The following CCSER1 variants were observed in gnomAD, a reference collection of about 807,000 sequenced individuals.
CCSER1 encodes serine-rich coiled-coil domain-containing protein 1.
Under a neutral mutation model 82.0 loss-of-function variants are expected in CCSER1, and 41 were observed. The ratio of observed to expected loss-of-function variants is 0.50; its 90% confidence interval spans 0.39 to 0.65. The LOEUF (loss-of-function observed/expected upper bound fraction) is 0.65. Ranked by LOEUF, CCSER1 falls within the 30% of genes least tolerant of loss-of-function variation. The pLI is 0.00. For missense variants in CCSER1, 1,119 were observed against 1,064.2 expected, an observed-to-expected ratio of 1.05 and a Z score of -0.72; for synonymous variants, 414 against 383.9, an observed-to-expected ratio of 1.08 and a Z score of -0.92.
intron 10 of CCSER1, among the ~76,000 whole-genome samples, chr4:91,511,762 C>T (rs939375393): frequency 3.3e-5 from 5 of 152,104 alleles, no homozygotes; most frequent in Admixed American, 6.6e-5. Context: ...ATGGGACCTC[C>T]TAGTTGCAGG....
intron 10 of CCSER1, among the ~76,000 whole-genome samples, chr4:91,264,903 T>G (rs2149171536): frequency 6.6e-6 from 1 of 152,188 alleles, no homozygotes; most frequent in East Asian, 1.9e-4. Context: ...GATATTAAAA[T>G]ATTTATCTGA....
chr4:91,004,956 CA>C (rs1319227610), intron 9 of CCSER1, among the ~76,000 whole-genome samples: 1 of 152,106 alleles, frequency 6.6e-6, no homozygotes, highest in Non-Finnish European at 1.5e-5. Flanking sequence ...CTGATTAGCA[CA>C]AGGGAGAGTG....
chr4:90,800,710 C>T (rs1190197327), intron 7 of CCSER1, among the ~76,000 whole-genome samples: 3 of 132,392 alleles, frequency 2.3e-5, no homozygotes, highest in African/African-American at 3.0e-5. Context: ...AGTTCCAAAT[C>T]GATTTTTAAT....
At chr4:90,537,511 T>C (rs1475311858) in intron 5 of CCSER1, among the ~76,000 whole-genome samples, 2 of 152,188 alleles carry the variant, frequency 1.3e-5, no homozygotes, top group African/African-American at 4.8e-5. Context: ...CCACTTTTGT[T>C]TGTAAATTTT....
chr4:90,153,807 G>A (rs1309863808), intron 1 of CCSER1, among the ~76,000 whole-genome samples: 19 of 152,186 alleles, frequency 1.2e-4, no homozygotes, highest in Non-Finnish European at 2.2e-4. Context: ...AGTAGGTTGC[G>A]AAAATTTTCT....
chr4:90,382,502 T>C (rs1207756916), intron 3 of CCSER1, among the ~76,000 whole-genome samples: 1 of 152,092 alleles, frequency 6.6e-6, no homozygotes, highest in African/African-American at 2.4e-5. Flanking sequence ...ATTGCTGAAA[T>C]GTTTGTCCTT....
chr4:91,281,109 T>C (rs1192847424), intron 10 of CCSER1, among the ~76,000 whole-genome samples: 2 of 152,170 alleles, frequency 1.3e-5, no homozygotes, highest in Non-Finnish European at 2.9e-5. Context: ...TGGTAGTCAG[T>C]AACTTACCCT....
chr4:91,341,997 T>G (rs769386596), intron 10 of CCSER1, among the ~76,000 whole-genome samples: 1 of 152,076 alleles, frequency 6.6e-6, no homozygotes, highest in Non-Finnish European at 1.5e-5. Flanking sequence ...GGGCACAGAG[T>G]AAGAGGAAAG....
At chr4:90,168,804 C>T in intron 1 of CCSER1, among the ~76,000 whole-genome samples, 1 of 115,972 alleles carries the variant, frequency 8.6e-6, no homozygotes, top group African/African-American at 4.0e-5. Context: ...GGCATTATTT[C>T]TGAGGGCTCC....
chr4:90,411,924 T>C (rs7687715), intron 4 of CCSER1, among the ~76,000 whole-genome samples: 3,543 of 152,122 alleles, frequency 0.023, 123 homozygotes, highest in African/African-American at 0.08. Context: ...TTCAGCAAAG[T>C]CTCAGGATAC....
intron 4 of CCSER1, among the ~76,000 whole-genome samples, chr4:90,466,632 G>GT (rs1763685247): frequency 6.6e-6 from 1 of 152,152 alleles, no homozygotes; most frequent in African/African-American, 2.4e-5. Flanking sequence ...AAGCTCCTAA[G>GT]TTTGTGTTAA....
intron 3 of CCSER1, among the ~76,000 whole-genome samples, chr4:90,381,209 A>T (rs1269381285): frequency 6.6e-6 from 1 of 152,220 alleles, no homozygotes; most frequent in Non-Finnish European, 1.5e-5. Context: ...GATAATTAAT[A>T]TGCAGGATAA....
intron 9 of CCSER1, among the ~76,000 whole-genome samples, chr4:91,053,206 A>G (rs1743157792): frequency 2.0e-5 from 3 of 152,322 alleles, no homozygotes; most frequent in African/African-American, 7.2e-5. Context: ...ATGAAGTCCC[A>G]TAGATTATAA....
chr4:91,065,697 CT>C (rs933146136), intron 9 of CCSER1, among the ~76,000 whole-genome samples: 6 of 151,894 alleles, frequency 4.0e-5, no homozygotes, highest in African/African-American at 1.4e-4. Flanking sequence ...AAACAAATTC[CT>C]TGGGGATTAG....
chr4:91,055,356 G>T (rs1396281436), intron 9 of CCSER1, among the ~76,000 whole-genome samples: 1 of 152,086 alleles, frequency 6.6e-6, no homozygotes, highest in Admixed American at 6.6e-5. Flanking sequence ...TGAACTAATT[G>T]TTGTTTATTT....
At chr4:90,321,452 T>A (rs1013207147) in intron 3 of CCSER1, among the ~76,000 whole-genome samples, 1 of 152,180 alleles carries the variant, frequency 6.6e-6, no homozygotes, top group African/African-American at 2.4e-5. Context: ...ATTTTCTTTA[T>A]CCTTTTGCTT....
At chr4:91,430,932 G>T (rs780823616) in intron 10 of CCSER1, among the ~76,000 whole-genome samples, 8 of 152,100 alleles carry the variant, frequency 5.3e-5, no homozygotes, top group Non-Finnish European at 7.4e-5. Context: ...TAAGCCTTTT[G>T]TAAATAAAAA....
At chr4:90,280,248 A>G (rs1728618255) in intron 1 of CCSER1, among the ~76,000 whole-genome samples, 1 of 152,010 alleles carries the variant, frequency 6.6e-6, no homozygotes, top group Admixed American at 6.6e-5. Context: ...TGGTAGACAA[A>G]CTGTAATGAT....
intron 5 of CCSER1, among the ~76,000 whole-genome samples, chr4:90,485,763 C>T (rs1005566870): frequency 6.6e-6 from 1 of 152,082 alleles, no homozygotes; most frequent in Non-Finnish European, 1.5e-5. Context: ...GTGTTCTTAT[C>T]ATTTAGTTCC....
Sources: gnomAD v4.1 joint callset for allele counts (sites outside exome capture counted in the v4.1 genomes callset) on GRCh38, gnomAD v4.1.1 for gene constraint, MANE v1.5 for transcripts, NCBI Gene and HGNC (gene_info 2026-07-23, HGNC 2026-07-21) for gene names.